The following PPFIA2 variants were observed in gnomAD, a reference collection of about 807,000 sequenced individuals.
PPFIA2 encodes liprin-alpha-2.
In PPFIA2, 46 loss-of-function variants were observed where a neutral mutation model predicts 175.5. The ratio of observed to expected loss-of-function variants is 0.26; its 90% CI spans 0.21 to 0.34. The LOEUF (loss-of-function observed/expected upper bound fraction) is 0.34. PPFIA2 is among the 10% of genes least tolerant of loss of function. The pLI is 1.00. For missense variants in PPFIA2, 1,179 were observed against 1,506.1 expected, an observed-to-expected ratio of 0.78 and a Z score of 3.60; for synonymous variants, 568 against 511.4, an observed-to-expected ratio of 1.11 and a Z score of -1.49.
intron 17 of PPFIA2, among the ~76,000 whole-genome samples, chr12:81,351,945 C>T (rs927040052): frequency 1.3e-5 from 2 of 151,832 alleles, no homozygotes; most frequent in African/African-American, 2.4e-5. Flanking sequence ...TATGTTAATA[C>T]AGAAATGTAA....
intron 4 of PPFIA2, among the ~76,000 whole-genome samples, chr12:81,557,665 A>G (rs1567320223): frequency 6.6e-6 from 1 of 152,062 alleles, no homozygotes; most frequent in Non-Finnish European, 1.5e-5. Flanking sequence ...GTCTTTGTAT[A>G]GGTGAATAGG....
chr12:81,445,530 G>C, intron 6 of PPFIA2, 26 bp downstream of exon 6: 1 of 1,603,516 alleles, frequency 6.2e-7, no homozygotes, highest in Non-Finnish European at 8.5e-7. Flanking sequence ...GTGTAGTTAA[G>C]CTTGAACTCT....
chr12:81,632,117 AT>A (rs1251732424), intron 4 of PPFIA2, among the ~76,000 whole-genome samples: 3 of 152,248 alleles, frequency 2.0e-5, no homozygotes, highest in Non-Finnish European at 2.9e-5. Context: ...GAAAATATTC[AT>A]TAACAGAAAA....
chr12:81,596,487 C>T (rs1057304806), intron 4 of PPFIA2, among the ~76,000 whole-genome samples: 2 of 151,850 alleles, frequency 1.3e-5, no homozygotes, highest in Non-Finnish European at 2.9e-5. Flanking sequence ...ATGTTATTAT[C>T]GACAAAAAGG....
chr12:81,697,251 A>T (rs2075999217), intron 3 of PPFIA2, among the ~76,000 whole-genome samples: 1 of 152,116 alleles, frequency 6.6e-6, no homozygotes, highest in South Asian at 2.1e-4. Flanking sequence ...TTTCTCAGTA[A>T]ATCTTTTTTA....
intron 4 of PPFIA2, among the ~76,000 whole-genome samples, chr12:81,458,791 A>T (rs947723030): frequency 3.3e-5 from 5 of 152,158 alleles, no homozygotes; most frequent in Non-Finnish European, 1.5e-5. Flanking sequence ...TTATTTTTTT[A>T]AATATAGTAA....
At chr12:81,570,366 T>G (rs537028602) in intron 4 of PPFIA2, among the ~76,000 whole-genome samples, 42 of 152,150 alleles carry the variant, frequency 2.8e-4, no homozygotes, top group Non-Finnish European at 3.8e-4. Context: ...AGTTTTTTTC[T>G]CCTCCCCCTT....
At chr12:81,503,802 G>C (rs537845868) in intron 4 of PPFIA2, among the ~76,000 whole-genome samples, 20 of 152,080 alleles carry the variant, frequency 1.3e-4, no homozygotes, top group African/African-American at 4.8e-4. Context: ...ACAAGGCAAA[G>C]CTATTTTAAG....
In PPFIA2 at chr12:81,385,785, C is replaced by A. The variant is rs373692752; in HGVS notation, c.763-1541G>T. On this transcript the variant is annotated intron_variant, in intron 8 of 32. Coordinates refer to ENST00000549396, the MANE Select transcript of PPFIA2 (RefSeq NM_003625.5). ...TCAATTATACAGTAAGAATAATGGT[C>A]TATTACACAGCATGATAGCTACAGT... Among the ~76,000 whole-genome samples the A allele has an allele frequency of 8.4e-4, 128 of 152,116 alleles. 2 individuals carry two copies. The highest frequency in any genetic ancestry group is 2.9e-3 in the African/African-American group (121 of 41,520).
At chr12:81,280,465 C>G (rs1287406938) in intron 27 of PPFIA2, among the ~76,000 whole-genome samples, 2 of 152,072 alleles carry the variant, frequency 1.3e-5, no homozygotes, top group Non-Finnish European at 2.9e-5. Flanking sequence ...CATCTTCACT[C>G]CAGCCACTGA....
intron 8 of PPFIA2, among the ~76,000 whole-genome samples, chr12:81,399,538 T>C (rs2041778630): frequency 6.6e-6 from 1 of 152,122 alleles, no homozygotes; most frequent in African/African-American, 2.4e-5. Flanking sequence ...GACCTTTCGT[T>C]ATGTGCTTCC....
chr12:81,705,315 G>T (rs2076989815), intron 3 of PPFIA2, among the ~76,000 whole-genome samples: 1 of 150,886 alleles, frequency 6.6e-6, no homozygotes, highest in African/African-American at 2.4e-5. Flanking sequence ...AATTAGCTGG[G>T]CTTGGTGGTG....
chr12:81,293,758 A>G (rs1023455305), intron 24 of PPFIA2, among the ~76,000 whole-genome samples: 1 of 152,162 alleles, frequency 6.6e-6, no homozygotes, highest in African/African-American at 2.4e-5. Context: ...TAAAAATAGA[A>G]TGAGCATTCA....
chr12:81,528,782 G>T (rs1035500900), intron 4 of PPFIA2, among the ~76,000 whole-genome samples: 1 of 151,952 alleles, frequency 6.6e-6, no homozygotes, highest in African/African-American at 2.4e-5. Context: ...ATTTTTCTCA[G>T]AATCATGGGA....
rs527956525 is a variant in PPFIA2, at chr12:81,474,225, C to T, written c.304-16359G>A. 7.9e-5 allele frequency among the ~76,000 whole-genome samples: 12 copies of T among 152,274 alleles called. No homozygotes were observed. The South Asian group carries it at 1.7e-3, about 21-fold the overall frequency. On this transcript the variant is annotated intron_variant, in intron 4 of 32. Transcript: ENST00000549396. ...AGGCTGGAGAGCAGTGGTGCTCTCT[C>T]GGCTCACTGCAACCTCCACCTCCCG...
Position 81,266,935 on chromosome 12 carries a change from A to G in PPFIA2, c.3555+17T>C. On this transcript the variant is annotated intron_variant, in intron 30 of 32. Transcript: ENST00000549396. ...TTTTACTCTCTCAGATCTCTTTTGA[A>G]TAACAGGTGGACTTACTTCATCCAG... 2 of 1,583,750 alleles carry G rather than the reference A, an allele frequency of 1.3e-6. No homozygotes were observed. The highest frequency in any genetic ancestry group is 1.7e-6 in the Non-Finnish European group (2 of 1,153,538).
At chr12:81,627,387 T>C (rs904412936) in intron 4 of PPFIA2, among the ~76,000 whole-genome samples, 20 of 152,084 alleles carry the variant, frequency 1.3e-4, no homozygotes, top group Non-Finnish European at 4.4e-5. Flanking sequence ...TATAACAAAA[T>C]ATCTCATGTA....
At chr12:81,474,054 TC>T (rs1279596856) in intron 4 of PPFIA2, among the ~76,000 whole-genome samples, 2 of 152,220 alleles carry the variant, frequency 1.3e-5, no homozygotes, top group African/African-American at 4.8e-5. Flanking sequence ...AAGTAAGAAC[TC>T]CAATCTTTTT....
At position 81,642,779 on chromosome 12, in the gene PPFIA2, T is replaced by TATGTATGTATATAA. The variant is rs1452017247; in HGVS notation, c.303+34011_303+34012insTTATATACATACAT. Among the ~76,000 whole-genome samples, 5 of 106,986 alleles carry TATGTATGTATATAA rather than the reference T, an allele frequency of 4.7e-5. 2 individuals are homozygous for TATGTATGTATATAA. Among genetic ancestry groups the TATGTATGTATATAA allele is most frequent in the African/African-American group, 1.8e-4 (5 of 28,194 alleles). 70.2% of individuals were successfully genotyped at this position (106,986 alleles called of 152,430 possible). On this transcript the variant is annotated intron_variant, in intron 4 of 32. Transcript: ENST00000549396. ...ACATACATGTATATGTATGTATGTA[T>TATGTATGTATATAA]TATATACATACATGTATATGTATGT...
Sources: gnomAD v4.1 joint callset for allele counts (sites outside exome capture counted in the v4.1 genomes callset) on GRCh38, gnomAD v4.1.1 for gene constraint, MANE v1.5 for transcripts, NCBI Gene and HGNC (gene_info 2026-07-23, HGNC 2026-07-21) for gene names.